Variants in JAK2 observed in about 807,000 individuals in gnomAD.
The protein encoded by JAK2 is tyrosine-protein kinase JAK2.
Under a neutral mutation model 139.3 loss-of-function variants are expected in JAK2, and 86 were observed. That is an observed-to-expected ratio of 0.62 (90% CI 0.52 to 0.74). The LOEUF (loss-of-function observed/expected upper bound fraction) is 0.74, where lower values mean the gene tolerates loss of function less well. Ranked by LOEUF, JAK2 falls within the 30% of genes least tolerant of loss-of-function variation. The pLI, the probability that JAK2 is intolerant of heterozygous loss-of-function variation, is 0.00. For synonymous variants in JAK2, 490 were observed against 437.7 expected, an observed-to-expected ratio of 1.12 and a Z score of -1.49; for missense variants, 1,421 against 1,360.3, an observed-to-expected ratio of 1.04 and a Z score of -0.70.
chr9:5,018,877 C>T lies in JAK2; in HGVS notation c.-25-3086C>T, dbSNP rs568063027. ...TGTAATGATTCTGCTGAGAAATCTG[C>T]TGTTAGTCTGATGGAGCTTCCCTTA... On this transcript the variant is annotated intron_variant, in intron 2 of 24. Coordinates refer to ENST00000381652, the MANE Select transcript of JAK2 (RefSeq NM_004972.4). Among the ~76,000 whole-genome samples, 12 of 152,318 alleles carry T rather than the reference C, an allele frequency of 7.9e-5. No individual in the cohort carries two copies. The South Asian group carries it at 2.5e-3, about 32-fold the overall frequency.
chr9:5,118,377 G>C (rs778440162), intron 22 of JAK2, among the ~76,000 whole-genome samples: 3 of 151,994 alleles, frequency 2.0e-5, no homozygotes, highest in Non-Finnish European at 4.4e-5. Context: ...TTGTAACCAA[G>C]ATATGTATAT....
chr9:5,115,670 A>G (rs1279171585), intron 22 of JAK2, among the ~76,000 whole-genome samples: 1 of 152,250 alleles, frequency 6.6e-6, no homozygotes, highest in Non-Finnish European at 1.5e-5. Flanking sequence ...CCAAATGCCC[A>G]TCAATGATAG....
At chr9:5,115,850 TG>T (rs1283755057) in intron 22 of JAK2, among the ~76,000 whole-genome samples, 1 of 152,114 alleles carries the variant, frequency 6.6e-6, no homozygotes, top group Non-Finnish European at 1.5e-5. Flanking sequence ...AAGTGGGAGT[TG>T]AACAATGACA....
chr9:5,090,622 G>C, intron 21 of JAK2, 52 bp downstream of exon 21: 1 of 1,539,648 alleles, frequency 6.5e-7, no homozygotes, highest in Non-Finnish European at 8.7e-7. Context: ...TGTTGAAGTA[G>C]ACATTAGGAA....
At position 5,127,276 on chromosome 9, in the gene JAK2, A is replaced by C. The variant is rs1220960261; in HGVS notation, c.*485A>C. Reference sequence around the variant, plus strand: ...TTTTTCCATAGTTAATCTATAATTAATTACTTCACTATACAAACAAATTAA... The same window carrying C: ...TTTTTCCATAGTTAATCTATAATTACTTACTTCACTATACAAACAAATTAA... On this transcript the variant is annotated 3_prime_UTR_variant, in exon 25 of 25. Transcript: ENST00000381652. 4.3e-6 allele frequency: 1 copy of C among 232,404 alleles called. No individual in the cohort carries two copies. The highest frequency in any genetic ancestry group is 2.2e-5 in the African/African-American group (1 of 45,280). 14.4% of individuals were successfully genotyped at this position (232,404 alleles called of 1,614,324 possible).
chr9:5,064,270 C>G (rs1818407131), intron 8 of JAK2, among the ~76,000 whole-genome samples: 1 of 151,862 alleles, frequency 6.6e-6, no homozygotes, highest in Non-Finnish European at 1.5e-5. Context: ...TGGCTCACGC[C>G]TGTAACCCCA....
At chr9:5,029,542 C>G (rs547879165) in intron 3 of JAK2, among the ~76,000 whole-genome samples, 1 of 151,734 alleles carries the variant, frequency 6.6e-6, no homozygotes, top group Non-Finnish European at 1.5e-5. Context: ...AAGAAAAAAA[C>G]CCCACAATAT....
intron 22 of JAK2, chr9:5,112,157 C>A (rs896722262): frequency 3.8e-5 from 11 of 289,038 alleles, no homozygotes; most frequent in Non-Finnish European, 7.7e-5. Flanking sequence ...AACGTGCACA[C>A]GCTGCTACCC....
intron 3 of JAK2, among the ~76,000 whole-genome samples, chr9:5,026,749 T>C (rs557327919): frequency 7.7e-4 from 117 of 152,324 alleles, no homozygotes; most frequent in African/African-American, 2.8e-3. Flanking sequence ...ATGTTCTATA[T>C]ATGCTTGAAA....
chr9:5,111,162 G>A (rs1420566662), intron 22 of JAK2: 9 of 788,208 alleles, frequency 1.1e-5, no homozygotes, highest in Admixed American at 8.3e-5. Context: ...TTGCTGAGTC[G>A]CACGGCAGCC....
chr9:5,077,578 C>T lies in JAK2; in HGVS notation c.1990C>T (p.Leu664=). Residue 664 remains leucine (L), a splice_region_variant and synonymous_variant, in exon 15 of 25, where the codon CTA becomes TTA. Transcript: ENST00000381652. ...AKQLAWAMHF[L]EENTLIHGNV... Reference sequence around the variant, plus strand: ...ACAGTTGGCATGGGCCATGCATTTTCTAGTAAGTAGTACAACCTTTTTATC... The same window carrying T: ...ACAGTTGGCATGGGCCATGCATTTTTTAGTAAGTAGTACAACCTTTTTATC... The T allele has an allele frequency of 1.4e-6, 2 of 1,475,954 alleles. No individual in the cohort carries two copies. The highest frequency in any genetic ancestry group is 1.8e-6 in the Non-Finnish European group (2 of 1,113,446). 91.4% of individuals were successfully genotyped at this position (1,475,954 alleles called of 1,614,324 possible).
intron 2 of JAK2, among the ~76,000 whole-genome samples, chr9:5,021,495 T>C (rs1822426383): frequency 6.6e-6 from 1 of 152,262 alleles, no homozygotes; most frequent in African/African-American, 2.4e-5. Flanking sequence ...ATTTCTTGCA[T>C]TGTGCTTTGT....
At chr9:4,997,593 T>C (rs141032866) in intron 2 of JAK2, among the ~76,000 whole-genome samples, 1 of 152,224 alleles carries the variant, frequency 6.6e-6, no homozygotes, top group East Asian at 1.9e-4. Context: ...ACCTCCAACA[T>C]TGGGGATTAC....
At position 5,129,275 on chromosome 9, in the gene JAK2, G is replaced by T. The variant is rs914928611; in HGVS notation, c.*2484G>T. On this transcript the variant is annotated 3_prime_UTR_variant, in exon 25 of 25. Coordinates refer to ENST00000381652, the MANE Select transcript of JAK2 (RefSeq NM_004972.4). The stretch of plus-strand genomic sequence containing the variant: ...GCTCCCCCTAAATTGAAATAGTGAT[G>T]TAGTAAATATTCAGAAGCGATTTTC... Among the ~76,000 whole-genome samples the T allele has an allele frequency of 6.6e-6, 1 of 152,046 alleles. No homozygotes were observed. Among genetic ancestry groups the T allele is most frequent in the African/African-American group, 2.4e-5 (1 of 41,424 alleles).
chr9:5,089,027 T>G (rs1820349396), intron 19 of JAK2, among the ~76,000 whole-genome samples: 1 of 152,204 alleles, frequency 6.6e-6, no homozygotes, highest in Non-Finnish European at 1.5e-5. Context: ...AAAAGGAAAA[T>G]TCTTCCTGGA....
chr9:5,118,395 T>G (rs1366857973), intron 22 of JAK2, among the ~76,000 whole-genome samples: 1 of 152,234 alleles, frequency 6.6e-6, no homozygotes, highest in African/African-American at 2.4e-5. Context: ...TATAAGTAAG[T>G]TGAAATTAAT....
At chr9:5,081,039 G>T (rs1365913902) in intron 18 of JAK2, among the ~76,000 whole-genome samples, 2 of 151,418 alleles carry the variant, frequency 1.3e-5, no homozygotes, top group Non-Finnish European at 2.9e-5. Context: ...GGGACTACAG[G>T]CGCCCGCCAC....
rs1233169838 is a variant in JAK2 at position 5,044,531 on chromosome 9, AT to A, written c.468+13del. ...TACCTCTTTGCTCAGGTATGATTAT[AT>A]TATCTTACTTGTACATGAGTTAAAT... On this transcript the variant is annotated intron_variant, in intron 5 of 24. Coordinates refer to ENST00000381652, the MANE Select transcript of JAK2 (RefSeq NM_004972.4). 9 of 1,445,862 alleles carry A rather than the reference AT, an allele frequency of 6.2e-6. No individual in the cohort carries two copies. Among genetic ancestry groups the A allele is most frequent in the Admixed American group, 1.9e-5 (1 of 52,020 alleles). 89.6% of individuals were successfully genotyped at this position (1,445,862 alleles called of 1,614,324 possible).
intron 4 of JAK2, chr9:5,040,995 C>G (rs1724333851): frequency 2.2e-5 from 14 of 637,716 alleles, no homozygotes; most frequent in Non-Finnish European, 3.2e-5. Context: ...TGGAGCTGAT[C>G]AAGTTCCGGA....
Sources: allele counts gnomAD v4.1 joint callset (sites outside exome capture counted in the v4.1 genomes callset), GRCh38; gene constraint gnomAD v4.1.1; transcripts MANE v1.5; gene names NCBI Gene and HGNC (gene_info 2026-07-23, HGNC 2026-07-21).